Variants in HSD3B1 observed in about 807,000 individuals in gnomAD.
The protein encoded by HSD3B1 is hydroxy-delta-5-steroid dehydrogenase, 3 beta- and steroid delta-isomerase 1.
In HSD3B1, 11 loss-of-function variants were observed where a neutral mutation model predicts 10.4. That is an observed-to-expected ratio of 1.05 (90% CI 0.66 to 1.75). The LOEUF is 1.75. HSD3B1 is among the 40% of genes most tolerant of loss of function. The pLI, the probability that HSD3B1 is intolerant of heterozygous loss-of-function variation, is 0.00. For missense variants in HSD3B1, 490 were observed against 454.5 expected, an observed-to-expected ratio of 1.08 and a Z score of -0.71; for synonymous variants, 217 against 185.4, an observed-to-expected ratio of 1.17 and a Z score of -1.39.
chr1:119,513,696 G>A, intron 3 of HSD3B1, 138 bp from the exon 4 acceptor site: 1 of 823,188 alleles, frequency 1.2e-6, no homozygotes, highest in Non-Finnish European at 2.0e-6. Flanking sequence ...ATCTCAGACA[G>A]AACCACAGAA....
Position 119,514,159 on chromosome 1 carries a change from G to C in HSD3B1, c.636G>C (p.Leu212=). 1 of 1,614,082 alleles carries C rather than the reference G, an allele frequency of 6.2e-7. No individual in the cohort carries two copies. The highest frequency in any genetic ancestry group is 8.5e-7 in the Non-Finnish European group (1 of 1,180,008). The change falls in exon 4 of 4, where the codon CTG becomes CTC. Residue 212 remains leucine (L), a synonymous_variant. Coordinates refer to ENST00000369413, the MANE Select transcript of HSD3B1 (RefSeq NM_000862.3). ...AGGCCCTGAACAACAATGGGATCCT[G>C]TCAAGTGTTGGAAAGTTCTCCACTG... The part of the protein sequence containing the change: ...INEALNNNGI[L]SSVGKFSTVN...
At chr1:119,510,761 AGGT>A (rs61153712) in intron 2 of HSD3B1, among the ~76,000 whole-genome samples, 7,612 of 51,580 alleles carry the variant, frequency 0.15, 1,394 homozygotes, top group African/African-American at 0.37. Context: ...TTTTGAGACA[AGGT>A]GGTCTTGCTC....
chr1:119,511,450 C>A (rs1653934299), intron 2 of HSD3B1, 53 bp from the exon 3 acceptor site: 1 of 1,590,672 alleles, frequency 6.3e-7, no homozygotes, highest in East Asian at 2.2e-5. Context: ...TATCAGAAAA[C>A]TTCTCAGCCA....
At chr1:119,510,451 T>A (rs1269357975) in intron 2 of HSD3B1, among the ~76,000 whole-genome samples, 2 of 152,118 alleles carry the variant, frequency 1.3e-5, no homozygotes, top group African/African-American at 2.4e-5. Flanking sequence ...CCTTTTCCTA[T>A]CAGCTCAGAT....
intron 2 of HSD3B1, among the ~76,000 whole-genome samples, chr1:119,510,404 G>T (rs1474120415): frequency 6.6e-6 from 1 of 152,120 alleles, no homozygotes; most frequent in Non-Finnish European, 1.5e-5. Flanking sequence ...CCTCCCAGTT[G>T]CCCAAGCAGG....
Position 119,514,280 on chromosome 1 carries a change from T to C in HSD3B1, c.757T>C (p.Phe253Leu), listed in dbSNP as rs1030570097. The C allele has an allele frequency of 6.2e-7, 1 of 1,613,856 alleles. No individual in the cohort carries two copies. The highest frequency in any genetic ancestry group is 1.3e-5 in the African/African-American group (1 of 74,956). The change falls in exon 4 of 4, where the codon TTC (phenylalanine) becomes CTC (leucine). Residue 253 changes from phenylalanine (F) to leucine (L), a missense_variant. Phe to Leu is a conservative substitution (Grantham distance 22). Coordinates refer to ENST00000369413, the MANE Select transcript of HSD3B1 (RefSeq NM_000862.3). ...PKKAPSIRGQ[F>L]YYISDDTPHQ... ...GAAGGCCCCAAGCATCCGAGGACAG[T>C]TCTACTATATCTCAGATGACACGCC...
chr1:119,514,685 A>T lies in HSD3B1; in HGVS notation c.*40A>T. ...AGATGTGCATGTGGGTATTGTTAGGAGATGTCATCAAGCTCCACCCTCCTG... is the reference window on the plus strand; with the variant it reads ...AGATGTGCATGTGGGTATTGTTAGGTGATGTCATCAAGCTCCACCCTCCTG... On this transcript the variant is annotated 3_prime_UTR_variant, in exon 4 of 4. Transcript: ENST00000369413. 6.2e-7 allele frequency: 1 copy of T among 1,601,132 alleles called. No individual in the cohort carries two copies. The highest frequency in any genetic ancestry group is 8.5e-7 in the Non-Finnish European group (1 of 1,172,626).
At chr1:119,509,687 G>C (rs1216160990) in intron 2 of HSD3B1, among the ~76,000 whole-genome samples, 1 of 152,168 alleles carries the variant, frequency 6.6e-6, no homozygotes, top group South Asian at 2.1e-4. Context: ...CTGACAACGG[G>C]AAGAGGTTGG....
intron 2 of HSD3B1, among the ~76,000 whole-genome samples, chr1:119,509,260 A>G (rs757015259): frequency 4.3e-4 from 65 of 152,228 alleles, no homozygotes; most frequent in Non-Finnish European, 2.2e-4. Context: ...AGACTAGTGC[A>G]GCATCTGTGC....
Position 119,507,603 on chromosome 1 carries a change from T to C in HSD3B1, c.127T>C (p.Leu43=). Residue 43 remains leucine (L), a synonymous_variant, in exon 2 of 4, where the codon TTG becomes CTG. Coordinates refer to ENST00000369413, the MANE Select transcript of HSD3B1 (RefSeq NM_000862.3). ...CTTGGACAAGGCCTTCGGACCAGAA[T>C]TGAGAGAGGAATTTTCTAGTAAGTA... The part of the protein sequence containing the change: ...RVLDKAFGPE[L]REEFSKLQNK... The C allele has an allele frequency of 1.9e-6, 3 of 1,613,858 alleles. No homozygotes were observed. The highest frequency in any genetic ancestry group is 4.5e-5 in the East Asian group (2 of 44,864).
At chr1:119,507,323 C>CA (rs35116825) in intron 1 of HSD3B1, 61 bp downstream of exon 1, 356 of 706,078 alleles carry the variant, frequency 5.0e-4, no homozygotes, top group Admixed American at 2.2e-3. Context: ...AGAATGTTTG[C>CA]AAAAAAAATG....
chr1:119,510,712 G>GTTTTTT lies in HSD3B1; in HGVS notation c.146-787_146-786insTTTTTT, dbSNP rs1265546430. ...TCCTTTTTTTGTTGTTGCTTGTGTG[G>GTTTTTT]TTTTCTTTTTTTTTTTTTTTTTTTT... On this transcript the variant is annotated intron_variant, in intron 2 of 3. Transcript: ENST00000369413. Among the ~76,000 whole-genome samples the GTTTTTT allele has an allele frequency of 1.3e-3, 49 of 39,102 alleles. 1 individual carries two copies. Among genetic ancestry groups the GTTTTTT allele is most frequent in the Non-Finnish European group, 2.7e-3 (39 of 14,332 alleles). The allele number at this position is 39,102 out of a possible 152,430, so 25.7% of individuals were successfully genotyped here. A position where few individuals can be genotyped will look rare whatever the true frequency, so the allele number is the denominator to read the frequency against.
Position 119,513,905 on chromosome 1 carries a change from G to A in HSD3B1, c.382G>A (p.Val128Ile), listed in dbSNP as rs1333585891. The change falls in exon 4 of 4, where the codon GTA becomes ATA. Residue 128 changes from valine (V) to isoleucine (I), a missense_variant. Transcript: ENST00000369413. Reference protein sequence around the residue: ...PVFIYTSSIEVAGPNSYKEII... With the variant: ...PVFIYTSSIEIAGPNSYKEII... ...CTTCATCTACACCAGTAGCATAGAG[G>A]TAGCCGGGCCCAACTCCTACAAGGA... 6.2e-7 allele frequency: 1 copy of A among 1,613,882 alleles called. No individual in the cohort carries two copies. The highest frequency in any genetic ancestry group is 1.3e-5 in the African/African-American group (1 of 74,874).
chr1:119,511,860 A>G (rs1445724946), intron 3 of HSD3B1, 193 bp downstream of exon 3: 6 of 586,366 alleles, frequency 1.0e-5, no homozygotes, highest in Non-Finnish European at 1.8e-5. Context: ...GGACTGAGAG[A>G]GGGCAAGTAA....
At chr1:119,511,355 T>G (rs1653931450) in intron 2 of HSD3B1, 148 bp from the exon 3 acceptor site, 1 of 717,250 alleles carries the variant, frequency 1.4e-6, no homozygotes, top group African/African-American at 1.8e-5. Flanking sequence ...CTGTGCCTTT[T>G]TTACTTGTTC....
Position 119,511,569 on chromosome 1 carries a change from G to T in HSD3B1, c.212G>T (p.Arg71Ile), listed in dbSNP as rs4986952. 6.8e-3 allele frequency: 10,963 copies of T among 1,613,798 alleles called. 42 individuals are homozygous for T. The highest frequency in any genetic ancestry group is 8.5e-3 in the Non-Finnish European group (10,044 of 1,179,774). ...GDILDEPFLK[R>I]ACQDVSVIIH... The stretch of plus-strand genomic sequence containing the variant: ...ATTCTGGATGAGCCATTCCTGAAGA[G>T]AGCCTGCCAGGACGTCTCGGTCATC... The change falls in exon 3 of 4, where the codon AGA becomes ATA. Residue 71 changes from arginine (R) to isoleucine (I), a missense_variant. By Grantham distance (97) the Arg-to-Ile change is moderately conservative. Coordinates refer to ENST00000369413, the MANE Select transcript of HSD3B1 (RefSeq NM_000862.3).
chr1:119,514,082 C>G lies in HSD3B1; in HGVS notation c.559C>G (p.Pro187Ala), dbSNP rs763425805. The change falls in exon 4 of 4, where the codon CCC becomes GCC. Residue 187 changes from proline to alanine, a missense_variant. By Grantham distance (27) the Pro-to-Ala change is conservative. Transcript: ENST00000369413. ...CACCCTGTACACTTGTGCCTTACGA[C>G]CCATGTATATCTATGGGGAAGGAAG... ...GGTLYTCALR[P>A]MYIYGEGSRF... The G allele has an allele frequency of 6.2e-7, 1 of 1,614,122 alleles. No homozygotes were observed. Among genetic ancestry groups the G allele is most frequent in the South Asian group, 1.1e-5 (1 of 91,080 alleles).
intron 2 of HSD3B1, 120 bp from the exon 3 acceptor site, chr1:119,511,383 C>G: frequency 1.1e-6 from 1 of 887,230 alleles, no homozygotes; most frequent in Non-Finnish European, 1.8e-6. Context: ...AGAATGTACA[C>G]CCTCCACTCT....
At chr1:119,508,511 G>A (rs111474051) in intron 2 of HSD3B1, among the ~76,000 whole-genome samples, 4 of 152,306 alleles carry the variant, frequency 2.6e-5, no homozygotes, top group African/African-American at 7.2e-5. Flanking sequence ...GACAATGAAC[G>A]CATCAAGGTC....
Sources: allele counts gnomAD v4.1 joint callset (sites outside exome capture counted in the v4.1 genomes callset), GRCh38; gene constraint gnomAD v4.1.1; transcripts MANE v1.5; gene names NCBI Gene and HGNC (gene_info 2026-07-23, HGNC 2026-07-21).